Variants in LIMS1 observed in about 807,000 individuals in gnomAD.
LIMS1 encodes the protein LIM and senescent cell antigen-like-containing domain protein 1.
Under a neutral mutation model 44.1 loss-of-function variants are expected in LIMS1, and 18 were observed. That is an observed-to-expected ratio of 0.41 (90% CI 0.28 to 0.61). The LOEUF (loss-of-function observed/expected upper bound fraction) is 0.61, where lower values mean the gene tolerates loss of function less well. LIMS1 is among the 20% of genes least tolerant of loss of function. The pLI, the probability that LIMS1 is intolerant of heterozygous loss-of-function variation, is 0.32. For missense variants in LIMS1, 201 were observed against 422.0 expected (o/e 0.48, Z 4.59); for synonymous variants, 93 against 149.1 (o/e 0.62, Z 2.74).
At chr2:108,556,290 G>A (rs570361719) in intron 1 of LIMS1, among the ~76,000 whole-genome samples, 167 of 152,164 alleles carry the variant, frequency 1.1e-3, no homozygotes, top group African/African-American at 4.0e-3. Flanking sequence ...CCTTTTTATG[G>A]CTGAATAATA....
At chr2:108,566,508 CA>C (rs1183267108) in intron 1 of LIMS1, among the ~76,000 whole-genome samples, 1 of 152,178 alleles carries the variant, frequency 6.6e-6, no homozygotes, top group Non-Finnish European at 1.5e-5. Flanking sequence ...GTTAGAGTTT[CA>C]AATTTGAGTC....
intron 1 of LIMS1, among the ~76,000 whole-genome samples, chr2:108,645,260 C>A (rs1254068161): frequency 6.6e-6 from 1 of 152,074 alleles, no homozygotes; most frequent in African/African-American, 2.4e-5. Context: ...GTTGGGTTAC[C>A]CATAAAGGGA....
chr2:108,647,136 A>C (rs1690126286), intron 1 of LIMS1, among the ~76,000 whole-genome samples: 1 of 152,202 alleles, frequency 6.6e-6, no homozygotes, highest in African/African-American at 2.4e-5. Context: ...AGGGGATATC[A>C]CCACTGATCC....
intron 1 of LIMS1, among the ~76,000 whole-genome samples, chr2:108,551,363 TTA>T (rs1419478226): frequency 3.4e-5 from 5 of 146,814 alleles, no homozygotes; most frequent in Non-Finnish European, 7.5e-5. Flanking sequence ...GTATTATGTA[TTA>T]TATATTTATA....
At chr2:108,571,179 G>A (rs1199119344) in intron 1 of LIMS1, among the ~76,000 whole-genome samples, 1 of 152,106 alleles carries the variant, frequency 6.6e-6, no homozygotes, top group African/African-American at 2.4e-5. Context: ...ATAAATAATG[G>A]TAAATATTTA....
chr2:108,578,629 T>C (rs1322368645), intron 1 of LIMS1, among the ~76,000 whole-genome samples: 1 of 133,528 alleles, frequency 7.5e-6, no homozygotes, highest in Non-Finnish European at 1.5e-5. Flanking sequence ...AGTCTCTCAC[T>C]GTGGCCCAGG....
Position 108,644,819 on chromosome 2 carries a change from C to G in LIMS1, c.33-14786C>G, listed in dbSNP as rs558119645. Among the ~76,000 whole-genome samples, 33 of 151,840 alleles carry G rather than the reference C, an allele frequency of 2.2e-4. 1 individual carries two copies. Among genetic ancestry groups the G allele is most frequent in the African/African-American group, 7.7e-4 (32 of 41,394 alleles). On this transcript the variant is annotated intron_variant, in intron 1 of 9. Coordinates refer to ENST00000544547, the Ensembl canonical transcript of LIMS1. ...GAAGAACATAAATGGTCTGATGGAG[C>G]TGAAAAACACAGTACAAGAACTTCA...
At chr2:108,540,036 C>T (rs1444060326) in intron 1 of LIMS1, among the ~76,000 whole-genome samples, 1 of 151,396 alleles carries the variant, frequency 6.6e-6, no homozygotes, top group Non-Finnish European at 1.5e-5. Context: ...CTGGGAAAGA[C>T]TTGAGAGAAT....
chr2:108,665,262 T>C (rs1453907991), intron 2 of LIMS1, among the ~76,000 whole-genome samples: 1 of 152,198 alleles, frequency 6.6e-6, no homozygotes, highest in Non-Finnish European at 1.5e-5. Context: ...ATCTAGTCTA[T>C]ATGGTATGGC....
At chr2:108,670,241 T>C (rs1457663689) in intron 2 of LIMS1, among the ~76,000 whole-genome samples, 1 of 152,156 alleles carries the variant, frequency 6.6e-6, no homozygotes, top group Non-Finnish European at 1.5e-5. Context: ...TCCCAGTGCT[T>C]TGAGAGACTG....
At chr2:108,660,163 G>T (rs561146177) in intron 2 of LIMS1, 22 of 485,164 alleles carry the variant, frequency 4.5e-5, no homozygotes, top group South Asian at 2.8e-4. Flanking sequence ...AGGACCACTG[G>T]ACCTGCTCTA....
chr2:108,596,460 GA>G (rs1394644177), intron 1 of LIMS1, among the ~76,000 whole-genome samples: 1 of 152,272 alleles, frequency 6.6e-6, no homozygotes, highest in Non-Finnish European at 1.5e-5. Flanking sequence ...AATGTAAAAT[GA>G]TTTACAGAAC....
chr2:108,556,661 T>C (rs1364824789), intron 1 of LIMS1, among the ~76,000 whole-genome samples: 1 of 152,178 alleles, frequency 6.6e-6, no homozygotes, highest in Non-Finnish European at 1.5e-5. Flanking sequence ...AGAATGAGGG[T>C]CAGTGATCAA....
rs142797583 is a variant in LIMS1, at chr2:108,609,255, C to T, written c.33-50350C>T. 2.1e-3 allele frequency among the ~76,000 whole-genome samples: 317 copies of T among 152,214 alleles called. 3 individuals are homozygous for T. Among genetic ancestry groups the T allele is most frequent in the African/African-American group, 7.3e-3 (303 of 41,540 alleles). ...GATTTTTTTCTTAGCAACCTGTTTA[C>T]CTGGCAAAGCATAAAGGCTTCTCCT... On this transcript the variant is annotated intron_variant, in intron 1 of 9. Coordinates refer to ENST00000544547, the Ensembl canonical transcript of LIMS1.
intron 1 of LIMS1, among the ~76,000 whole-genome samples, chr2:108,615,025 T>C (rs1047063166): frequency 3.3e-5 from 5 of 152,218 alleles, no homozygotes; most frequent in Non-Finnish European, 7.3e-5. Flanking sequence ...TTTTTTGTAA[T>C]GACGATTTAG....
At chr2:108,628,652 G>A (rs1436629889) in intron 1 of LIMS1, among the ~76,000 whole-genome samples, 2 of 152,182 alleles carry the variant, frequency 1.3e-5, no homozygotes, top group Non-Finnish European at 2.9e-5. Context: ...TTTTAGTAGA[G>A]ACGGGGTTTC....
At position 108,645,581 on chromosome 2, in the gene LIMS1, T is replaced by C. The variant is rs192677044; in HGVS notation, c.33-14024T>C. 5.3e-5 allele frequency among the ~76,000 whole-genome samples: 8 copies of C among 152,212 alleles called. No individual in the cohort carries two copies. The East Asian group carries it at 1.2e-3, about 22-fold the overall frequency. ...CTATCAATGCTGTGAAGAAACTGCA[T>C]CAACTAACGGGCCAAAATAACAGCT... On this transcript the variant is annotated intron_variant, in intron 1 of 9. Transcript: ENST00000544547.
intron 1 of LIMS1, among the ~76,000 whole-genome samples, chr2:108,649,583 C>G (rs1200513698): frequency 6.6e-6 from 1 of 152,124 alleles, no homozygotes; most frequent in African/African-American, 2.4e-5. Context: ...AGATGCCTAT[C>G]AATCATAGAC....
intron 1 of LIMS1, among the ~76,000 whole-genome samples, chr2:108,540,126 A>G (rs947345016): frequency 6.6e-6 from 1 of 151,454 alleles, no homozygotes; most frequent in Non-Finnish European, 1.5e-5. Flanking sequence ...TAAGTGTTTG[A>G]AGTGGAACAA....
Sources: allele counts gnomAD v4.1 joint callset (sites outside exome capture counted in the v4.1 genomes callset), GRCh38; gene constraint gnomAD v4.1.1; transcripts MANE v1.5; gene names NCBI Gene and HGNC (gene_info 2026-07-23, HGNC 2026-07-21).